GUCY1A2: variants seen among roughly 807,000 people sequenced by gnomAD.
The protein encoded by GUCY1A2 is guanylate cyclase soluble subunit alpha-2.
Under a neutral mutation model 63.5 loss-of-function variants are expected in GUCY1A2, and 27 were observed. That is an observed-to-expected ratio of 0.43 (90% CI 0.31 to 0.59). The LOEUF is 0.59. Among genes scored for constraint, GUCY1A2 ranks in the 20% least tolerant of loss-of-function variants. GUCY1A2 has a pLI of 0.11. For synonymous variants in GUCY1A2, 364 were observed against 343.5 expected, an observed-to-expected ratio of 1.06 and a Z score of -0.66; for missense variants, 768 against 913.3, an observed-to-expected ratio of 0.84 and a Z score of 2.05.
intron 1 of GUCY1A2, among the ~76,000 whole-genome samples, chr11:106,999,656 A>G (rs1301171696): frequency 1.3e-5 from 2 of 152,200 alleles, no homozygotes; most frequent in African/African-American, 4.8e-5. Context: ...CATACTTGAA[A>G]GTGACTTACT....
intron 6 of GUCY1A2, among the ~76,000 whole-genome samples, chr11:106,757,929 A>G (rs1864002213): frequency 2.0e-5 from 3 of 152,190 alleles, no homozygotes; most frequent in Non-Finnish European, 4.4e-5. Flanking sequence ...AGGGATGTTT[A>G]AGTCTGCAGA....
chr11:106,870,263 T>A (rs1396348643), intron 4 of GUCY1A2, among the ~76,000 whole-genome samples: 1 of 151,496 alleles, frequency 6.6e-6, no homozygotes, highest in Non-Finnish European at 1.5e-5. Flanking sequence ...ATAAAAAAAA[T>A]ATATCTATAA....
intron 3 of GUCY1A2, among the ~76,000 whole-genome samples, chr11:106,960,726 T>C (rs1279007006): frequency 6.6e-6 from 1 of 152,118 alleles, no homozygotes; most frequent in African/African-American, 2.4e-5. Context: ...GCAAAAATGA[T>C]GGTGGTAACA....
intron 6 of GUCY1A2, among the ~76,000 whole-genome samples, chr11:106,750,917 AT>A (rs1228611074): frequency 1.3e-5 from 2 of 152,094 alleles, no homozygotes; most frequent in African/African-American, 4.8e-5. Context: ...CAGCTATAAA[AT>A]AAAATCAGTC....
At chr11:106,897,025 T>C (rs1430488186) in intron 4 of GUCY1A2, among the ~76,000 whole-genome samples, 2 of 152,162 alleles carry the variant, frequency 1.3e-5, no homozygotes, top group African/African-American at 2.4e-5. Flanking sequence ...AGGGTTAATA[T>C]ACAAAATCCC....
chr11:106,825,391 GGAA>G (rs928395360), intron 4 of GUCY1A2, among the ~76,000 whole-genome samples: 27 of 150,844 alleles, frequency 1.8e-4, no homozygotes, highest in African/African-American at 5.4e-4. Context: ...GAGCCACATT[GGAA>G]GAAGAATTGT....
chr11:106,856,745 T>C (rs980788538), intron 4 of GUCY1A2, among the ~76,000 whole-genome samples: 2 of 152,198 alleles, frequency 1.3e-5, no homozygotes, highest in Admixed American at 6.5e-5. Context: ...TGTACTGAAA[T>C]GAGTACCCGT....
chr11:106,992,605 C>T (rs775323740), intron 1 of GUCY1A2, among the ~76,000 whole-genome samples: 11 of 152,156 alleles, frequency 7.2e-5, no homozygotes, highest in Admixed American at 1.3e-4. Context: ...GCTGGGATTA[C>T]AGGCATGAGC....
At chr11:107,011,349 T>C (rs1861741475) in intron 1 of GUCY1A2, among the ~76,000 whole-genome samples, 2 of 151,696 alleles carry the variant, frequency 1.3e-5, no homozygotes, top group Non-Finnish European at 2.9e-5. Context: ...TAGAGCTCTG[T>C]ATAATTAACG....
chr11:106,900,110 A>G (rs958764253), intron 4 of GUCY1A2, among the ~76,000 whole-genome samples: 10 of 151,598 alleles, frequency 6.6e-5, no homozygotes, highest in Non-Finnish European at 1.0e-4. Context: ...AAAACAATCT[A>G]TAATATATGT....
At chr11:106,814,625 G>C (rs1465366721) in intron 4 of GUCY1A2, among the ~76,000 whole-genome samples, 1 of 152,030 alleles carries the variant, frequency 6.6e-6, no homozygotes, top group Non-Finnish European at 1.5e-5. Context: ...TATCTGACCT[G>C]GAGAAGCTTG....
At chr11:106,819,122 G>T (rs1858868510) in intron 4 of GUCY1A2, among the ~76,000 whole-genome samples, 1 of 152,096 alleles carries the variant, frequency 6.6e-6, no homozygotes, top group Admixed American at 6.6e-5. Context: ...TGAAGATGTG[G>T]CTGAATTGCT....
rs1862536252 is a variant in GUCY1A2 at position 106,686,936 on chromosome 11, T to C, written c.*613A>G. The stretch of plus-strand genomic sequence containing the variant: ...TAGATTAATAGGTTAGCATTATATA[T>C]AATATACTAACAATACAGAAGCAGA... On this transcript the variant is annotated 3_prime_UTR_variant, in exon 8 of 8. Transcript: ENST00000526355. The C allele has an allele frequency of 5.0e-6, 1 of 198,500 alleles. No individual in the cohort carries two copies. The highest frequency in any genetic ancestry group is 1.0e-5 in the Non-Finnish European group (1 of 96,140). The allele number at this position is 198,500 out of a possible 1,614,324, so 12.3% of individuals were successfully genotyped here.
chr11:106,974,128 C>T (rs1451696332), intron 3 of GUCY1A2, among the ~76,000 whole-genome samples: 4 of 151,940 alleles, frequency 2.6e-5, no homozygotes, highest in Non-Finnish European at 5.9e-5. Context: ...CCCCTTCAAC[C>T]GCCTTAATTC....
intron 3 of GUCY1A2, among the ~76,000 whole-genome samples, chr11:106,949,831 CACT>C (rs1413768995): frequency 6.6e-6 from 1 of 152,108 alleles, no homozygotes; most frequent in African/African-American, 2.4e-5. Flanking sequence ...AAATGAAGAC[CACT>C]ATAGTAACCC....
chr11:106,969,142 CTTAAT>C (rs1183749527), intron 3 of GUCY1A2, among the ~76,000 whole-genome samples: 2 of 152,112 alleles, frequency 1.3e-5, no homozygotes, highest in African/African-American at 2.4e-5. Flanking sequence ...TATAAAATGT[CTTAAT>C]TTAAGTAACA....
intron 6 of GUCY1A2, among the ~76,000 whole-genome samples, chr11:106,738,025 G>T (rs192211739): frequency 1.4e-4 from 21 of 152,296 alleles, no homozygotes; most frequent in Non-Finnish European, 2.6e-4. Context: ...ATGTAAAAGT[G>T]TTCCTATTTC....
rs1366265985 is a variant in GUCY1A2 at position 106,685,022 on chromosome 11, C to T, written c.*2527G>A. 2 of 204,036 alleles carry T rather than the reference C, an allele frequency of 9.8e-6. No homozygotes were observed. Among genetic ancestry groups the T allele is most frequent in the Non-Finnish European group, 2.0e-5 (2 of 99,708 alleles). 12.6% of individuals were successfully genotyped at this position (204,036 alleles called of 1,614,324 possible). A position where few individuals can be genotyped will look rare whatever the true frequency, so the allele number is the denominator to read the frequency against. On this transcript the variant is annotated 3_prime_UTR_variant, in exon 8 of 8. Transcript: ENST00000526355. ...GACATTTTATATAGTACCTCATAAACATATATAGCAACATTGTAACTACAA... is the reference window on the plus strand; with the variant it reads ...GACATTTTATATAGTACCTCATAAATATATATAGCAACATTGTAACTACAA...
At chr11:106,837,452 C>T (rs990902634) in intron 4 of GUCY1A2, among the ~76,000 whole-genome samples, 1 of 151,926 alleles carries the variant, frequency 6.6e-6, no homozygotes, top group African/African-American at 2.4e-5. Flanking sequence ...CTGCAGTGAA[C>T]ATTTGTGTGC....
Sources: gnomAD v4.1 joint callset for allele counts (sites outside exome capture counted in the v4.1 genomes callset) on GRCh38, gnomAD v4.1.1 for gene constraint, MANE v1.5 for transcripts, NCBI Gene and HGNC (gene_info 2026-07-23, HGNC 2026-07-21) for gene names.